ZFHX4: variants seen among roughly 807,000 people sequenced by gnomAD.
ZFHX4 encodes zinc finger homeobox 4, also known as zinc finger homeobox protein 4.
ZFHX4 carries 56 observed loss-of-function variants against 267.6 expected under a neutral mutation model. That is an observed-to-expected ratio of 0.21 (90% confidence interval 0.17 to 0.26). The LOEUF is 0.26. Ranked by LOEUF, ZFHX4 falls within the 10% of genes least tolerant of loss-of-function variation. The pLI is 1.00. For missense variants in ZFHX4, 4,332 were observed against 4,420.0 expected, an observed-to-expected ratio of 0.98 and a Z score of 0.56; for synonymous variants, 1,778 against 1,665.6, an observed-to-expected ratio of 1.07 and a Z score of -1.64.
At chr8:76,721,802 A>T (rs1462032751) in intron 3 of ZFHX4, among the ~76,000 whole-genome samples, 1 of 152,142 alleles carries the variant, frequency 6.6e-6, no homozygotes, top group Non-Finnish European at 1.5e-5. Flanking sequence ...TAACAGTATA[A>T]TTGGAGTCTT....
chr8:76,823,011 G>C (rs1359178982), intron 4 of ZFHX4, among the ~76,000 whole-genome samples: 2 of 151,812 alleles, frequency 1.3e-5, no homozygotes, highest in Non-Finnish European at 2.9e-5. Context: ...CTTTTCTCTT[G>C]ACCTAATCTT....
intron 3 of ZFHX4, among the ~76,000 whole-genome samples, chr8:76,753,410 T>C (rs925078560): frequency 1.3e-5 from 2 of 152,136 alleles, no homozygotes; most frequent in African/African-American, 4.8e-5. Flanking sequence ...AATATATTTA[T>C]ATTGCATAAA....
chr8:76,780,615 A>G (rs181109793), intron 4 of ZFHX4, among the ~76,000 whole-genome samples: 1 of 152,302 alleles, frequency 6.6e-6, no homozygotes, highest in African/African-American at 2.4e-5. Context: ...TTTTGGCTAA[A>G]TGCCAAACAA....
intron 4 of ZFHX4, among the ~76,000 whole-genome samples, chr8:76,785,921 G>T (rs1282548136): frequency 6.6e-6 from 1 of 152,136 alleles, no homozygotes; most frequent in Non-Finnish European, 1.5e-5. Context: ...TCCAGATTTT[G>T]ACTCTGAATC....
In ZFHX4 at chr8:76,864,597, TAAAAAATAAAAAAATAAAA is replaced by T. The variant is rs2074752492; in HGVS notation, c.*42_*60del. The T allele has an allele frequency of 2.3e-6, 3 of 1,298,828 alleles. No homozygotes were observed. In the East Asian group the frequency reaches 8.8e-5, roughly 38 times the overall value. 80.5% of individuals were successfully genotyped at this position (1,298,828 alleles called of 1,614,324 possible). A position where few individuals can be genotyped will look rare whatever the true frequency, so the allele number is the denominator to read the frequency against. On this transcript the variant is annotated 3_prime_UTR_variant, in exon 11 of 11. Coordinates refer to ENST00000651372, the MANE Select transcript of ZFHX4 (RefSeq NM_024721.5). Reference sequence around the variant, plus strand: ...AGACAGGATCCCGTGCTTAAAAAAATAAAAAATAAAAAAATAAAAAAAAAATAAGACTTTAACTGCAGTT... The same window carrying T: ...AGACAGGATCCCGTGCTTAAAAAAATAAAAAATAAGACTTTAACTGCAGTT...
At chr8:76,706,830 C>A (rs1009654643) in intron 2 of ZFHX4, among the ~76,000 whole-genome samples, 152 bp downstream of exon 2, 2 of 152,222 alleles carry the variant, frequency 1.3e-5, no homozygotes, top group Non-Finnish European at 2.9e-5. Context: ...AAACCATTTG[C>A]TCTTCTGCTT....
intron 5 of ZFHX4, among the ~76,000 whole-genome samples, chr8:76,842,322 G>C (rs1158686819): frequency 6.6e-6 from 1 of 151,984 alleles, no homozygotes; most frequent in Non-Finnish European, 1.5e-5. Context: ...GGTTTATGTT[G>C]TTACAAGGTT....
At chr8:76,744,954 A>C (rs189068243) in intron 3 of ZFHX4, among the ~76,000 whole-genome samples, 1 of 152,208 alleles carries the variant, frequency 6.6e-6, no homozygotes, top group Non-Finnish European at 1.5e-5. Flanking sequence ...CTGGTTTTTG[A>C]AAAAAGTACT....
chr8:76,819,142 G>GT (rs11361228), intron 4 of ZFHX4, among the ~76,000 whole-genome samples: 4,248 of 127,526 alleles, frequency 0.033, 82 homozygotes, highest in Non-Finnish European at 0.047. Flanking sequence ...GCTCATAAAG[G>GT]TTTTTTTTTT....
intron 3 of ZFHX4, among the ~76,000 whole-genome samples, chr8:76,729,419 C>T (rs1382549749): frequency 6.6e-6 from 1 of 152,146 alleles, no homozygotes; most frequent in Non-Finnish European, 1.5e-5. Context: ...GGAGTTGTGA[C>T]TTGAAATGAT....
At chr8:76,809,368 C>T (rs189594943) in intron 4 of ZFHX4, among the ~76,000 whole-genome samples, 28 of 152,122 alleles carry the variant, frequency 1.8e-4, no homozygotes, top group African/African-American at 5.3e-4. Context: ...GTGTAGCTTC[C>T]CTTAGATATC....
chr8:76,805,857 G>T (rs55774803), intron 4 of ZFHX4, among the ~76,000 whole-genome samples: 1 of 149,168 alleles, frequency 6.7e-6, no homozygotes, highest in Admixed American at 6.7e-5. Context: ...GCCTTTAGGG[G>T]AAAAAAAAAG....
At chr8:76,833,222 C>A (rs1401598437) in intron 4 of ZFHX4, 116 bp from the exon 5 acceptor site, 9 of 723,394 alleles carry the variant, frequency 1.2e-5, no homozygotes, top group Non-Finnish European at 1.9e-5. Context: ...CTCACCTGAG[C>A]TTCACCTGAT....
intron 1 of ZFHX4, among the ~76,000 whole-genome samples, chr8:76,689,415 AC>A (rs1187810611): frequency 6.6e-6 from 1 of 152,122 alleles, no homozygotes; most frequent in Non-Finnish European, 1.5e-5. Context: ...TAGAAATCAG[AC>A]AGAAAGCAGA....
At chr8:76,815,081 A>G (rs1248415493) in intron 4 of ZFHX4, among the ~76,000 whole-genome samples, 1 of 152,200 alleles carries the variant, frequency 6.6e-6, no homozygotes, top group Non-Finnish European at 1.5e-5. Flanking sequence ...GAATAAGGTT[A>G]TAAGAGGTAG....
At position 76,854,333 on chromosome 8, in the gene ZFHX4, C is replaced by T. The variant is rs1812643035; in HGVS notation, c.7412C>T (p.Pro2471Leu). 9 of 1,613,864 alleles carry T rather than the reference C, an allele frequency of 5.6e-6. No homozygotes were observed. The East Asian group carries it at 2.0e-4, about 36-fold the overall frequency. ...CCCTCGGCCTCTCAAACACCGGTCC[C>T]TTCCAGTCCACTGCAAATTTCCATG... ...RPPSASQTPV[P>L]SSPLQISMTS... Residue 2471 changes from proline to leucine, a missense_variant, in exon 10 of 11, where the codon CCT becomes CTT. Transcript: ENST00000651372.
At chr8:76,741,959 G>A (rs549896203) in intron 3 of ZFHX4, among the ~76,000 whole-genome samples, 2 of 152,274 alleles carry the variant, frequency 1.3e-5, no homozygotes, top group African/African-American at 2.4e-5. Context: ...TCATTCAATG[G>A]CATGTTGAAG....
At chr8:76,686,445 G>A (rs546631043) in intron 1 of ZFHX4, among the ~76,000 whole-genome samples, 14 of 152,068 alleles carry the variant, frequency 9.2e-5, no homozygotes, top group Admixed American at 5.2e-4. Context: ...AAAACACAGC[G>A]TTAATCTATC....
At chr8:76,771,768 G>A (rs1421938515) in intron 3 of ZFHX4, among the ~76,000 whole-genome samples, 1 of 152,176 alleles carries the variant, frequency 6.6e-6, no homozygotes, top group Admixed American at 6.5e-5. Context: ...TGATTAGAAT[G>A]AATGAGAGCT....
Sources: gnomAD v4.1 joint callset for allele counts (sites outside exome capture counted in the v4.1 genomes callset) on GRCh38, gnomAD v4.1.1 for gene constraint, MANE v1.5 for transcripts, NCBI Gene and HGNC (gene_info 2026-07-23, HGNC 2026-07-21) for gene names.